The following MROH9 variants were observed in gnomAD, a reference collection of about 807,000 sequenced individuals.
MROH9 encodes the protein maestro heat like repeat family member 9.
A neutral mutation model predicts 98.2 loss-of-function variants in MROH9; 92 were observed. The observed-to-expected ratio is 0.94, with a 90% confidence interval of 0.79 to 1.11. MROH9 has a LOEUF of 1.11. Ranked by LOEUF, MROH9 falls within the 50% of genes most tolerant of loss-of-function variation. The pLI, the probability that MROH9 is intolerant of heterozygous loss-of-function variation, is 0.00. For missense variants in MROH9, 1,057 were observed against 1,014.8 expected, an observed-to-expected ratio of 1.04 and a Z score of -0.57; for synonymous variants, 397 against 368.9, an observed-to-expected ratio of 1.08 and a Z score of -0.87.
chr1:170,988,992 C>A (rs1411784542), intron 10 of MROH9, among the ~76,000 whole-genome samples: 5 of 152,084 alleles, frequency 3.3e-5, no homozygotes, highest in Admixed American at 1.3e-4. Flanking sequence ...ACCTTGGAAC[C>A]TACGTGGTTG....
At chr1:170,983,344 G>T in intron 8 of MROH9, 78 bp from the exon 9 acceptor site, 4 of 1,019,530 alleles carry the variant, frequency 3.9e-6, no homozygotes, top group African/African-American at 3.3e-5. Flanking sequence ...GGCAGGAAAA[G>T]AAAATTGGAA....
chr1:171,038,933 GA>G (rs918439015), intron 20 of MROH9, among the ~76,000 whole-genome samples: 10 of 147,912 alleles, frequency 6.8e-5, no homozygotes, highest in African/African-American at 1.5e-4. Context: ...TATTCATGAA[GA>G]AAAAAAAAAG....
Position 170,989,957 on chromosome 1 carries a change from A to C in MROH9, c.982A>C (p.Lys328Gln). The C allele has an allele frequency of 9.3e-6, 15 of 1,613,192 alleles. No individual in the cohort carries two copies. The highest frequency in any genetic ancestry group is 1.2e-5 in the Non-Finnish European group (14 of 1,179,388). Residue 328 changes from lysine (K) to glutamine (Q), a missense_variant, in exon 11 of 22, where the codon AAG becomes CAG. By Grantham distance (53) the Lys-to-Gln change is moderately conservative (BLOSUM62 1). Transcript: ENST00000367759. ...CACTTTGTTGACATGCACTTCACCC[A>C]AGAAGGTCATCTTTCAACTTATGGA... is the stretch of plus-strand genomic sequence containing the variant. Reference protein sequence around the residue: ...VITLLTCTSPKKVIFQLMDYP... With the variant: ...VITLLTCTSPQKVIFQLMDYP...
intron 12 of MROH9, among the ~76,000 whole-genome samples, chr1:170,995,047 G>A (rs532963718): frequency 5.7e-4 from 86 of 152,128 alleles, no homozygotes; most frequent in African/African-American, 2.0e-3. Flanking sequence ...AGCACAGGTA[G>A]GACCTAGGTT....
intron 12 of MROH9, among the ~76,000 whole-genome samples, chr1:170,993,764 A>T (rs1651454107): frequency 6.6e-6 from 1 of 152,174 alleles, no homozygotes; most frequent in Admixed American, 6.5e-5. Context: ...GGACTTCAAA[A>T]TATAATCAAT....
At position 170,986,634 on chromosome 1, in the gene MROH9, C is replaced by A. The variant is rs781098754; in HGVS notation, c.803C>A (p.Pro268His). Residue 268 changes from proline (P) to histidine (H), a missense_variant, in exon 10 of 22, where the codon CCT becomes CAT. Pro to His is a moderately conservative substitution (Grantham distance 77). Coordinates refer to ENST00000367759, the MANE Select transcript of MROH9 (RefSeq NM_001163629.2). ...AGTCTCCTGATGAAACTCTCTTCAC[C>A]TGATGATAAAATCGCATCTGATGCA... ...VQSLLMKLSS[P>H]DDKIASDAAS... The A allele has an allele frequency of 1.2e-5, 19 of 1,613,736 alleles. No individual in the cohort carries two copies. In the African/African-American group the frequency reaches 2.4e-4, roughly 20 times the overall value.
chr1:170,967,758 T>C (rs1000251141), intron 7 of MROH9, among the ~76,000 whole-genome samples: 3 of 152,204 alleles, frequency 2.0e-5, no homozygotes, highest in Admixed American at 2.0e-4. Flanking sequence ...TCAAAGCACA[T>C]GTTCCTTCAA....
At chr1:171,049,185 C>T (rs1326235807) in intron 20 of MROH9, among the ~76,000 whole-genome samples, 1 of 152,184 alleles carries the variant, frequency 6.6e-6, no homozygotes, top group East Asian at 1.9e-4. Context: ...AAACCACCTA[C>T]ACAGAAGAAA....
At chr1:171,040,354 G>A (rs1653257567) in intron 20 of MROH9, among the ~76,000 whole-genome samples, 1 of 151,970 alleles carries the variant, frequency 6.6e-6, no homozygotes, top group South Asian at 2.1e-4. Context: ...CCATACATTT[G>A]CTAAGAGAGT....
intron 20 of MROH9, among the ~76,000 whole-genome samples, chr1:171,057,130 A>G (rs1168911590): frequency 6.6e-6 from 1 of 152,206 alleles, no homozygotes; most frequent in East Asian, 1.9e-4. Flanking sequence ...ATGAATTGAC[A>G]GAAGTAGGCT....
intron 5 of MROH9, among the ~76,000 whole-genome samples, chr1:170,960,991 T>A (rs28536759): frequency 0.045 from 6,872 of 152,246 alleles, 472 homozygotes; most frequent in African/African-American, 0.15. Context: ...AAGAACCAAG[T>A]CACGTCATGC....
chr1:171,052,351 T>C (rs1653696179), intron 20 of MROH9, among the ~76,000 whole-genome samples: 1 of 152,184 alleles, frequency 6.6e-6, no homozygotes, highest in Non-Finnish European at 1.5e-5. Context: ...CCAGTGGTAG[T>C]CATAAGTACC....
chr1:171,052,450 T>C (rs1224399543), intron 20 of MROH9, among the ~76,000 whole-genome samples: 1 of 152,012 alleles, frequency 6.6e-6, no homozygotes, highest in Non-Finnish European at 1.5e-5. Context: ...GTTCTCTCCA[T>C]GGGAAGGGAG....
intron 17 of MROH9, 43 bp downstream of exon 17, chr1:171,016,379 G>A: frequency 7.4e-7 from 1 of 1,354,158 alleles, no homozygotes. Flanking sequence ...AGGTTTTGTG[G>A]TTCACCTGAA....
intron 9 of MROH9, among the ~76,000 whole-genome samples, chr1:170,984,070 T>C (rs1417972075): frequency 2.0e-5 from 3 of 152,228 alleles, no homozygotes; most frequent in African/African-American, 7.2e-5. Flanking sequence ...TCTATAGCCA[T>C]ATATTCTCCC....
chr1:171,015,311 C>T (rs1168337145), intron 16 of MROH9, among the ~76,000 whole-genome samples: 1 of 152,118 alleles, frequency 6.6e-6, no homozygotes, highest in East Asian at 1.9e-4. Context: ...TTACCCAGAG[C>T]TCTTCCCAAT....
intron 17 of MROH9, among the ~76,000 whole-genome samples, chr1:171,018,771 T>C (rs145281094): frequency 1.3e-5 from 2 of 152,138 alleles, no homozygotes; most frequent in South Asian, 2.1e-4. Flanking sequence ...CAAGTATCAA[T>C]AGCTGAATCG....
At chr1:170,955,411 G>A (rs928488838) in intron 3 of MROH9, among the ~76,000 whole-genome samples, 2 of 152,198 alleles carry the variant, frequency 1.3e-5, no homozygotes, top group East Asian at 3.9e-4. Context: ...TTCCATAGCA[G>A]CTGTACTACT....
chr1:171,009,084 AC>A (rs1182315946), intron 15 of MROH9, among the ~76,000 whole-genome samples: 1 of 151,244 alleles, frequency 6.6e-6, no homozygotes, highest in Non-Finnish European at 1.5e-5. Context: ...TGGAGAGAAA[AC>A]AAAAAGATAA....
Sources: allele counts gnomAD v4.1 joint callset (sites outside exome capture counted in the v4.1 genomes callset), GRCh38; gene constraint gnomAD v4.1.1; transcripts MANE v1.5; gene names NCBI Gene and HGNC (gene_info 2026-07-23, HGNC 2026-07-21).